The following ZNF385B variants were observed in gnomAD, a reference collection of about 807,000 sequenced individuals.
The protein encoded by ZNF385B is zinc finger protein 533.
ZNF385B carries 23 observed loss-of-function variants against 39.2 expected under a neutral mutation model. That is an observed-to-expected ratio of 0.59 (90% confidence interval 0.42 to 0.83). The LOEUF is 0.83. ZNF385B is among the 40% of genes least tolerant of loss of function. The pLI, the probability that ZNF385B is intolerant of heterozygous loss-of-function variation, is 0.00. For missense variants in ZNF385B, 552 were observed against 598.9 expected, an observed-to-expected ratio of 0.92 and a Z score of 0.82; for synonymous variants, 205 against 222.6, an observed-to-expected ratio of 0.92 and a Z score of 0.70.
At chr2:179,674,547 T>C (rs1186298562) in intron 3 of ZNF385B, among the ~76,000 whole-genome samples, 1 of 152,212 alleles carries the variant, frequency 6.6e-6, no homozygotes, top group Non-Finnish European at 1.5e-5. Flanking sequence ...ATTCTAGAAT[T>C]TTCAGGATCC....
chr2:179,687,536 C>T (rs1383684624), intron 3 of ZNF385B, among the ~76,000 whole-genome samples: 2 of 152,070 alleles, frequency 1.3e-5, no homozygotes, highest in Non-Finnish European at 2.9e-5. Context: ...AAAATATCCC[C>T]CAACCCCAGT....
chr2:179,665,374 G>A (rs139595192), intron 3 of ZNF385B, among the ~76,000 whole-genome samples: 10 of 152,254 alleles, frequency 6.6e-5, no homozygotes, highest in South Asian at 6.2e-4. Flanking sequence ...AGGTGATGAC[G>A]AGAATCCAGC....
chr2:179,783,742 G>T (rs80268211), intron 1 of ZNF385B, among the ~76,000 whole-genome samples: 2 of 151,992 alleles, frequency 1.3e-5, no homozygotes. Context: ...AATGTGACTG[G>T]TCATTAGAGA....
At chr2:179,464,325 T>G (rs1037886944) in intron 6 of ZNF385B, among the ~76,000 whole-genome samples, 2 of 152,220 alleles carry the variant, frequency 1.3e-5, no homozygotes, top group Non-Finnish European at 2.9e-5. Context: ...GGTAGTTTCT[T>G]TTGCTGTGCA....
At position 179,804,132 on chromosome 2, in the gene ZNF385B, T is replaced by C. The variant is rs201742897; in HGVS notation, c.-154-33460A>G. On this transcript the variant is annotated intron_variant, in intron 1 of 9. Transcript: ENST00000410066. ...TTGTTTTCAACTGCTTCTCTCTCTG[T>C]GTGTATCCAAAGGGAACCTTATTGT... Among the ~76,000 whole-genome samples, 8 of 152,350 alleles carry C rather than the reference T, an allele frequency of 5.3e-5. No individual in the cohort carries two copies. In the East Asian group the frequency reaches 1.5e-3, roughly 29 times the overall value.
chr2:179,720,567 A>C, intron 3 of ZNF385B, among the ~76,000 whole-genome samples: 1 of 151,170 alleles, frequency 6.6e-6, no homozygotes, highest in South Asian at 2.1e-4. Context: ...GGGAGGGAGG[A>C]AAGAAGGGAA....
chr2:179,591,421 A>T (rs1687554435), intron 3 of ZNF385B, among the ~76,000 whole-genome samples: 1 of 151,860 alleles, frequency 6.6e-6, no homozygotes, highest in African/African-American at 2.4e-5. Context: ...TGGGTATATG[A>T]CTCCCAAGCA....
chr2:179,824,709 A>T (rs921482333), intron 1 of ZNF385B, among the ~76,000 whole-genome samples: 7 of 152,166 alleles, frequency 4.6e-5, no homozygotes, highest in African/African-American at 1.7e-4. Flanking sequence ...TATTTTGAAC[A>T]CATATGGAAG....
At chr2:179,588,596 T>C (rs1270088241) in intron 3 of ZNF385B, among the ~76,000 whole-genome samples, 1 of 152,100 alleles carries the variant, frequency 6.6e-6, no homozygotes, top group Non-Finnish European at 1.5e-5. Flanking sequence ...CTCTCTCTCC[T>C]GGGAAGGAGC....
At chr2:179,805,881 A>G (rs959004043) in intron 1 of ZNF385B, among the ~76,000 whole-genome samples, 8 of 152,352 alleles carry the variant, frequency 5.3e-5, no homozygotes, top group Non-Finnish European at 7.3e-5. Flanking sequence ...GTGCTTGGAC[A>G]ATTAGCTCTC....
At chr2:179,648,038 G>C (rs750826567) in intron 3 of ZNF385B, among the ~76,000 whole-genome samples, 1 of 152,136 alleles carries the variant, frequency 6.6e-6, no homozygotes, top group Non-Finnish European at 1.5e-5. Flanking sequence ...CCCAGCATGG[G>C]GAGTCAGGGC....
At chr2:179,818,727 C>G (rs373709230) in intron 1 of ZNF385B, among the ~76,000 whole-genome samples, 193 of 152,284 alleles carry the variant, frequency 1.3e-3, no homozygotes, top group African/African-American at 4.4e-3. Context: ...CCAGAGCTGA[C>G]TAGGAGGAAA....
In ZNF385B at chr2:179,483,443, G is replaced by A; in HGVS notation, c.553-9C>T. Reference sequence around the variant, plus strand: ...TGGGCCTCGGCCTGGCTCTACAAAGGAGAACAAATCAGGCTCATTTTTTTG... The same window carrying A: ...TGGGCCTCGGCCTGGCTCTACAAAGAAGAACAAATCAGGCTCATTTTTTTG... On this transcript the variant is annotated splice_polypyrimidine_tract_variant and intron_variant, in intron 5 of 9. Transcript: ENST00000410066. 1.9e-6 allele frequency: 3 copies of A among 1,613,670 alleles called. No individual in the cohort carries two copies. The highest frequency in any genetic ancestry group is 1.1e-5 in the South Asian group (1 of 91,054).
At chr2:179,450,240 A>T (rs2049960418) in intron 6 of ZNF385B, among the ~76,000 whole-genome samples, 1 of 151,950 alleles carries the variant, frequency 6.6e-6, no homozygotes, top group South Asian at 2.1e-4. Context: ...ACAAAAGCCA[A>T]AATTGACAAA....
chr2:179,517,537 T>A (rs966865380), intron 5 of ZNF385B, among the ~76,000 whole-genome samples: 2 of 152,074 alleles, frequency 1.3e-5, no homozygotes, highest in African/African-American at 4.8e-5. Flanking sequence ...TTTTTTATTA[T>A]GCTTCCTATG....
chr2:179,632,684 T>C lies in ZNF385B; in HGVS notation c.299-87715A>G, dbSNP rs1034740276. On this transcript the variant is annotated intron_variant, in intron 3 of 9. Coordinates refer to ENST00000410066, the MANE Select transcript of ZNF385B (RefSeq NM_152520.6). Reference sequence around the variant, plus strand: ...AACACATTCAAAAGCTAGCAGAAGGTAAGAAATAACTAAGATCAGAGCAGA... The same window carrying C: ...AACACATTCAAAAGCTAGCAGAAGGCAAGAAATAACTAAGATCAGAGCAGA... Among the ~76,000 whole-genome samples the C allele has an allele frequency of 6.6e-5, 10 of 151,508 alleles. No individual in the cohort carries two copies. In the East Asian group the frequency reaches 1.2e-3, roughly 18 times the overall value.
At chr2:179,634,852 G>A (rs546340747) in intron 3 of ZNF385B, among the ~76,000 whole-genome samples, 71 of 151,988 alleles carry the variant, frequency 4.7e-4, no homozygotes, top group African/African-American at 1.5e-3. Flanking sequence ...GCACATGGCC[G>A]GTCGCCATGG....
chr2:179,672,633 C>T (rs62175160), intron 3 of ZNF385B, among the ~76,000 whole-genome samples: 7,679 of 152,042 alleles, frequency 0.051, 341 homozygotes, highest in East Asian at 0.16. Context: ...AGTAGAGGCC[C>T]GATGAATGGA....
At chr2:179,841,723 G>A (rs929583886) in intron 1 of ZNF385B, among the ~76,000 whole-genome samples, 13 of 152,174 alleles carry the variant, frequency 8.5e-5, no homozygotes, top group Non-Finnish European at 1.5e-4. Flanking sequence ...AATCTCCATT[G>A]AGAGCCACTG....
Sources: allele counts gnomAD v4.1 joint callset (sites outside exome capture counted in the v4.1 genomes callset), GRCh38; gene constraint gnomAD v4.1.1; transcripts MANE v1.5; gene names NCBI Gene and HGNC (gene_info 2026-07-23, HGNC 2026-07-21).